DNAJC3: variants seen among roughly 807,000 people sequenced by gnomAD.
The protein encoded by DNAJC3 is dnaJ homolog subfamily C member 3.
DNAJC3 carries 38 observed loss-of-function variants against 68.6 expected under a neutral mutation model. That is an observed-to-expected ratio of 0.55 (90% CI 0.43 to 0.73). The LOEUF is 0.73. DNAJC3 is among the 30% of genes least tolerant of loss of function. DNAJC3 has a pLI of 0.00. For synonymous variants in DNAJC3, 203 were observed against 204.0 expected, an observed-to-expected ratio of 1.00 and a Z score of 0.04; for missense variants, 526 against 591.9, an observed-to-expected ratio of 0.89 and a Z score of 1.16.
chr13:95,753,821 G>A (rs2139669181), intron 4 of DNAJC3, among the ~76,000 whole-genome samples: 1 of 152,246 alleles, frequency 6.6e-6, no homozygotes, highest in East Asian at 1.9e-4. Flanking sequence ...CTGCCCTACA[G>A]GATATTGGTA....
chr13:95,749,617 G>T (rs1882411772), intron 4 of DNAJC3, among the ~76,000 whole-genome samples: 1 of 152,148 alleles, frequency 6.6e-6, no homozygotes, highest in Non-Finnish European at 1.5e-5. Context: ...CTTTGTCCCT[G>T]TTACTGAGAT....
intron 1 of DNAJC3, among the ~76,000 whole-genome samples, chr13:95,696,541 ATTG>A: frequency 6.6e-6 from 1 of 152,154 alleles, no homozygotes; most frequent in Non-Finnish European, 1.5e-5. Context: ...GTCACTCACC[ATTG>A]TGGAAGGCCT....
intron 2 of DNAJC3, among the ~76,000 whole-genome samples, chr13:95,716,213 A>G (rs1881139931): frequency 6.6e-6 from 1 of 152,200 alleles, no homozygotes; most frequent in African/African-American, 2.4e-5. Flanking sequence ...TATCATAGTG[A>G]AATGGGAGGG....
At position 95,715,696 on chromosome 13, in the gene DNAJC3, G is replaced by A. The variant is rs112677287; in HGVS notation, c.193+6359G>A. Among the ~76,000 whole-genome samples the A allele has an allele frequency of 4.0e-5, 6 of 151,118 alleles. No homozygotes were observed. The South Asian group carries it at 8.4e-4, about 21-fold the overall frequency. On this transcript the variant is annotated intron_variant, in intron 2 of 11. Coordinates refer to ENST00000602402, the MANE Select transcript of DNAJC3 (RefSeq NM_006260.5). ...AGAGACGGGGTTTCACCATGTTGGC[G>A]AGGATGGTCTCGATCTCTTGACCTG...
At chr13:95,781,411 T>G (rs1883449572) in intron 9 of DNAJC3, among the ~76,000 whole-genome samples, 1 of 152,148 alleles carries the variant, frequency 6.6e-6, no homozygotes, top group Admixed American at 6.5e-5. Flanking sequence ...GGGCCTCTTA[T>G]AGTGTGTGCT....
intron 2 of DNAJC3, among the ~76,000 whole-genome samples, chr13:95,715,368 T>C (rs1593973568): frequency 6.6e-6 from 1 of 152,338 alleles, no homozygotes. Context: ...GCCAGTGTGC[T>C]CTGGCCTGGA....
At chr13:95,711,632 G>A (rs937378971) in intron 2 of DNAJC3, among the ~76,000 whole-genome samples, 2 of 151,990 alleles carry the variant, frequency 1.3e-5, no homozygotes, top group Admixed American at 6.6e-5. Flanking sequence ...GCCATTCCAC[G>A]CAAATAAAGG....
chr13:95,746,630 A>G (rs1364524890), intron 4 of DNAJC3, among the ~76,000 whole-genome samples: 2 of 152,220 alleles, frequency 1.3e-5, no homozygotes, highest in African/African-American at 4.8e-5. Flanking sequence ...GTGAGTATAA[A>G]TGATATATAA....
chr13:95,749,686 T>A (rs1882414223), intron 4 of DNAJC3, among the ~76,000 whole-genome samples: 1 of 151,756 alleles, frequency 6.6e-6, no homozygotes, highest in Admixed American at 6.6e-5. Context: ...GCCTGCCTGA[T>A]ATTGGATGTG....
intron 9 of DNAJC3, among the ~76,000 whole-genome samples, chr13:95,769,772 A>C (rs1883109495): frequency 6.6e-6 from 1 of 152,204 alleles, no homozygotes; most frequent in Non-Finnish European, 1.5e-5. Flanking sequence ...TTCTTTTGAA[A>C]AGTGTGTGGT....
chr13:95,768,983 T>TTATCTATATCTATATCTATATCTA (rs67826872), intron 9 of DNAJC3, among the ~76,000 whole-genome samples: 98 of 148,256 alleles, frequency 6.6e-4, no homozygotes, highest in East Asian at 1.2e-3. Context: ...CTCCAAAAAA[T>TTATCTATATCTATATCTATATCTA]TATCTATATC....
chr13:95,738,580 G>T (rs571436396), intron 4 of DNAJC3, among the ~76,000 whole-genome samples: 40 of 152,158 alleles, frequency 2.6e-4, no homozygotes, highest in African/African-American at 8.9e-4. Flanking sequence ...TTATGTCATG[G>T]CCTTCTTTGT....
At chr13:95,760,830 A>G (rs1490149307) in intron 7 of DNAJC3, 32 bp downstream of exon 7, 1 of 1,601,970 alleles carries the variant, frequency 6.2e-7, no homozygotes, top group Non-Finnish European at 8.5e-7. Context: ...CTGTCCAGCC[A>G]TTCCTTATGT....
chr13:95,752,975 A>T (rs557495351), intron 4 of DNAJC3, among the ~76,000 whole-genome samples: 4 of 152,320 alleles, frequency 2.6e-5, no homozygotes, highest in African/African-American at 9.6e-5. Flanking sequence ...GTGAACAGAT[A>T]GTGTGAATTT....
chr13:95,725,166 C>CT lies in DNAJC3; in HGVS notation c.319-5dup. The CT allele has an allele frequency of 5.8e-6, 9 of 1,548,428 alleles. No individual in the cohort carries two copies. Among genetic ancestry groups the CT allele is most frequent in the Admixed American group, 4.3e-5 (2 of 46,976 alleles). On this transcript the variant is annotated splice_polypyrimidine_tract_variant and intron_variant, in intron 3 of 11. Transcript: ENST00000602402. ...AATATTCAAGATAATCCTCTGCCCC[C>CT]TTTTTTTCTAGGCAAGATTACAGAG... is the stretch of plus-strand genomic sequence containing the variant.
intron 9 of DNAJC3, among the ~76,000 whole-genome samples, chr13:95,772,038 G>A (rs902129407): frequency 6.6e-6 from 1 of 152,148 alleles, no homozygotes; most frequent in Non-Finnish European, 1.5e-5. Flanking sequence ...GAGACCCTGC[G>A]CACCATGTGG....
intron 4 of DNAJC3, among the ~76,000 whole-genome samples, chr13:95,735,630 T>C (rs1283109677): frequency 6.6e-6 from 1 of 150,586 alleles, no homozygotes; most frequent in Non-Finnish European, 1.5e-5. Context: ...TTTTGAGAAG[T>C]GTCTGTTCAT....
At chr13:95,679,348 C>T (rs1419812603) in intron 1 of DNAJC3, among the ~76,000 whole-genome samples, 1 of 151,934 alleles carries the variant, frequency 6.6e-6, no homozygotes, top group African/African-American at 2.4e-5. Context: ...GAGTTTGATT[C>T]ATTAGGTCTT....
intron 4 of DNAJC3, among the ~76,000 whole-genome samples, chr13:95,739,916 T>C (rs891489756): frequency 2.0e-5 from 3 of 152,186 alleles, no homozygotes; most frequent in Non-Finnish European, 4.4e-5. Flanking sequence ...AGTTTTTCTG[T>C]TCTGTTTTTT....
Sources: gnomAD v4.1 joint callset for allele counts (sites outside exome capture counted in the v4.1 genomes callset) on GRCh38, gnomAD v4.1.1 for gene constraint, MANE v1.5 for transcripts, NCBI Gene and HGNC (gene_info 2026-07-23, HGNC 2026-07-21) for gene names.